Variants in LTN1 observed in about 807,000 individuals in gnomAD.
LTN1 encodes the protein E3 ubiquitin-protein ligase listerin.
A neutral mutation model predicts 201.2 loss-of-function variants in LTN1; 88 were observed. The ratio of observed to expected loss-of-function variants is 0.44; its 90% CI spans 0.37 to 0.52. The LOEUF (loss-of-function observed/expected upper bound fraction) is 0.52, where lower values mean the gene tolerates loss of function less well. Among genes scored for constraint, LTN1 ranks in the 20% least tolerant of loss-of-function variants. The pLI, the probability that LTN1 is intolerant of heterozygous loss-of-function variation, is 0.00. For missense variants in LTN1, 1,752 were observed against 2,038.7 expected (o/e 0.86, Z 2.71); for synonymous variants, 645 against 713.5 (o/e 0.90, Z 1.53).
chr21:28,969,178 G>A (rs1012495988), intron 9 of LTN1, among the ~76,000 whole-genome samples: 4 of 151,706 alleles, frequency 2.6e-5, no homozygotes, highest in East Asian at 2.0e-4. Flanking sequence ...CTGAGATTGC[G>A]TCATTGTACT....
In LTN1 at chr21:28,981,232, T is replaced by C; in HGVS notation, c.697A>G (p.Lys233Glu). The change falls in exon 6 of 30, where the codon AAG becomes GAG. Residue 233 changes from lysine to glutamate, a missense_variant. Around this residue, in one of 3 missense-constraint regions of LTN1, gnomAD observed 280 missense variants for 375.7 expected, o/e 0.75. Coordinates refer to ENST00000361371, the MANE Select transcript of LTN1 (RefSeq NM_015565.3). ...TCAGGTAAAAGGCAAAGTAATCTCT[T>C]TAATGCCAATAAGGAACAAGTTACA... ...RVVTCSLLAL[K>E]RLLCLLPDNE... The C allele has an allele frequency of 6.3e-7, 1 of 1,597,474 alleles. No homozygotes were observed. The highest frequency in any genetic ancestry group is 2.3e-5 in the East Asian group (1 of 44,060).
rs2084700613 is a variant in LTN1 at position 28,986,662 on chromosome 21, C to T, written c.246+69G>A. 8.4e-7 allele frequency: 1 copy of T among 1,195,892 alleles called. No individual in the cohort carries two copies. The highest frequency in any genetic ancestry group is 1.5e-5 in the African/African-American group (1 of 65,644). 74.1% of individuals were successfully genotyped at this position (1,195,892 alleles called of 1,614,324 possible). The stretch of plus-strand genomic sequence containing the variant: ...ATTGTTCATTTTTCTTTACATAAAA[C>T]ATGCTAATGACATTTTATTTTAACA... On this transcript the variant is annotated intron_variant, in intron 2 of 29. Coordinates refer to ENST00000361371, the MANE Select transcript of LTN1 (RefSeq NM_015565.3). The surrounding 1 kb of genome is among the most constrained non-coding windows in gnomAD (Gnocchi z 4.1).
chr21:28,989,573 A>G (rs867119728), intron 1 of LTN1, among the ~76,000 whole-genome samples: 1 of 152,130 alleles, frequency 6.6e-6, no homozygotes, highest in African/African-American at 2.4e-5. Flanking sequence ...AAACCAAGGA[A>G]GACTTACAAG....
In LTN1 at chr21:28,984,742, G is replaced by A; in HGVS notation, c.526C>T (p.Pro176Ser). The A allele has an allele frequency of 3.1e-6, 5 of 1,614,064 alleles. No individual in the cohort carries two copies. The highest frequency in any genetic ancestry group is 4.2e-6 in the Non-Finnish European group (5 of 1,179,990). ...GCTATGGCTTCAGGTTGCTTGCTTG[G>A]AGGAAAAGCCGCTTCAAATGCATCT... ...AKDAFEAAFP[P>S]SKQPEAIAFC... Residue 176 changes from proline (P) to serine (S), a missense_variant, in exon 4 of 30, where the codon CCA becomes TCA. Around this residue, in one of 3 missense-constraint regions of LTN1, gnomAD observed 280 missense variants for 375.7 expected, o/e 0.75. Transcript: ENST00000361371.
chr21:28,979,224 A>G (rs1425502905), intron 6 of LTN1, among the ~76,000 whole-genome samples: 3 of 152,266 alleles, frequency 2.0e-5, no homozygotes, highest in Admixed American at 2.0e-4. Flanking sequence ...TTGAGTCTAG[A>G]GTAATGCAGC....
At chr21:28,960,406 G>A in intron 12 of LTN1, 111 bp downstream of exon 12, 1 of 761,342 alleles carries the variant, frequency 1.3e-6, no homozygotes, top group Non-Finnish European at 2.0e-6. Flanking sequence ...ATTTGAATGA[G>A]TAAGTCCTGT....
chr21:28,981,335 T>C (rs770081806), intron 5 of LTN1, 36 bp from the exon 6 acceptor site: 12 of 1,181,274 alleles, frequency 1.0e-5, no homozygotes, highest in Non-Finnish European at 1.2e-5. Context: ...TTTAAAAATT[T>C]AGAATTAGCC....
chr21:28,981,428 C>T (rs2084657980), intron 5 of LTN1, 129 bp from the exon 6 acceptor site: 3 of 492,358 alleles, frequency 6.1e-6, no homozygotes, highest in African/African-American at 4.0e-5. Flanking sequence ...CTTCTATTTC[C>T]CCTGTGCCAA....
At chr21:28,931,066 GGT>G (rs10608923) in intron 29 of LTN1, 87 bp downstream of exon 29, 43,211 of 548,090 alleles carry the variant, frequency 0.079, 51 homozygotes, top group South Asian at 0.094. Flanking sequence ...ACATTGTGTA[GGT>G]GTGTGTGTGT....
intron 16 of LTN1, 134 bp from the exon 17 acceptor site, chr21:28,953,510 A>G (rs755709917): frequency 1.7e-6 from 1 of 574,444 alleles, no homozygotes; most frequent in East Asian, 3.2e-5. Flanking sequence ...TGATTTTTCA[A>G]ATCTGCTTTG....
rs1245011405 is a variant in LTN1, at chr21:28,981,164, T to A, written c.765A>T (p.Leu255Phe). The A allele has an allele frequency of 7.5e-6, 12 of 1,595,310 alleles. No homozygotes were observed. Among genetic ancestry groups the A allele is most frequent in the Non-Finnish European group, 1.0e-5 (12 of 1,174,824 alleles). The change falls in exon 6 of 30, where the codon TTA (leucine) becomes TTT (phenylalanine). Residue 255 changes from leucine to phenylalanine, a missense_variant. Physicochemically the swap from Leu to Phe is conservative, Grantham distance 22. Transcript: ENST00000361371. Reference sequence around the variant, plus strand: ...CATACTTCCAAAACTTATTCTGTGATAAAAGAGACTTAAATTTCTCCTCCA... The same window carrying A: ...CATACTTCCAAAACTTATTCTGTGAAAAAAGAGACTTAAATTTCTCCTCCA... ...DSLEEKFKSL[L>F]SQNKFWKYGK...
Position 28,946,276 on chromosome 21 carries a change from G to A in LTN1, c.3499C>T (p.His1167Tyr), listed in dbSNP as rs1465740135. 4 of 1,562,440 alleles carry A rather than the reference G, an allele frequency of 2.6e-6. No homozygotes were observed. The highest frequency in any genetic ancestry group is 3.4e-6 in the Non-Finnish European group (4 of 1,161,314). ...DLCSTNGGFG[H>Y]LAIFNSCLQT... ...AGACAAGAATTGAAAATGGCAAGAT[G>A]TCCAAAACCTCCTAAAGTAAAATTC... is the stretch of plus-strand genomic sequence containing the variant. The change falls in exon 20 of 30, where the codon CAT (histidine) becomes TAT (tyrosine). Residue 1167 changes from histidine (H) to tyrosine (Y), a missense_variant. By Grantham distance (83) the His-to-Tyr change is moderately conservative. Coordinates refer to ENST00000361371, the MANE Select transcript of LTN1 (RefSeq NM_015565.3).
In LTN1 at chr21:28,944,410, G is replaced by T. The variant is rs2084320958; in HGVS notation, c.3955C>A (p.Leu1319Ile). Residue 1319 changes from leucine (L) to isoleucine (I), a missense_variant, in exon 22 of 30, where the codon CTT becomes ATT. Around this residue, in one of 3 missense-constraint regions of LTN1, gnomAD observed 1,211 missense variants for 1,312.8 expected, o/e 0.92. Transcript: ENST00000361371. ...EFFSQGIHSLLLPILVTVTGE... is the reference protein window; with the variant it reads ...EFFSQGIHSLILPILVTVTGE... Reference sequence around the variant, plus strand: ...GTAACAGTCACCAAAATAGGTAAAAGCAAACTGTGGATGCCTTGGGAAAAA... The same window carrying T: ...GTAACAGTCACCAAAATAGGTAAAATCAAACTGTGGATGCCTTGGGAAAAA... 3.7e-6 allele frequency: 6 copies of T among 1,613,558 alleles called. No individual in the cohort carries two copies. The highest frequency in any genetic ancestry group is 5.1e-6 in the Non-Finnish European group (6 of 1,179,578).
In LTN1 at chr21:28,982,348, T is replaced by C; in HGVS notation, c.597A>G (p.Ile199Met). Residue 199 changes from isoleucine (I) to methionine (M), a missense_variant, in exon 5 of 30, where the codon ATA becomes ATG. Physicochemically the swap from Ile to Met is conservative, Grantham distance 10. Transcript: ENST00000361371. The stretch of plus-strand genomic sequence containing the variant: ...CACTGAGTGTATCAGGTGTTTCTTT[T>C]ATAAGATGATCCTGCAGCACCTACA... ...EITSVLQDHL[I>M]KETPDTLSDP... 6.2e-7 allele frequency: 1 copy of C among 1,613,906 alleles called. No individual in the cohort carries two copies. The highest frequency in any genetic ancestry group is 8.5e-7 in the Non-Finnish European group (1 of 1,179,772).
Position 28,966,820 on chromosome 21 carries a change from A to T in LTN1, c.1671T>A (p.Ser557=), listed in dbSNP as rs1161164412. The change falls in exon 10 of 30, where the codon TCT becomes TCA. Residue 557 remains serine, a synonymous_variant. Transcript: ENST00000361371. ...ESNKENEKCV[S]SEGEKIEGWE... ...AGCCTTCAATCTTCTCTCCTTCTGA[A>T]GATACACATTTTTCATTCTCTTTAT... The T allele has an allele frequency of 1.2e-6, 2 of 1,612,310 alleles. No homozygotes were observed. Among genetic ancestry groups the T allele is most frequent in the Non-Finnish European group, 1.7e-6 (2 of 1,179,524 alleles).
Position 28,982,872 on chromosome 21 carries a change from CT to C in LTN1, c.577-505del, listed in dbSNP as rs376972520. Among the ~76,000 whole-genome samples, 272 of 152,354 alleles carry C rather than the reference CT, an allele frequency of 1.8e-3. 4 individuals carry two copies. Among genetic ancestry groups the C allele is most frequent in the African/African-American group, 6.0e-3 (248 of 41,588 alleles). On this transcript the variant is annotated intron_variant, in intron 4 of 29. Transcript: ENST00000361371. ...ATAACAATAACTAACACTTATTGAGCTTTTGCATGTGCCAGGTATTGCTTTG... is the reference window on the plus strand; with the variant it reads ...ATAACAATAACTAACACTTATTGAGCTTTGCATGTGCCAGGTATTGCTTTG...
chr21:28,944,877 C>T (rs958335103), intron 21 of LTN1, among the ~76,000 whole-genome samples: 17 of 152,104 alleles, frequency 1.1e-4, no homozygotes, highest in Non-Finnish European at 1.9e-4. Flanking sequence ...ACATTAAATA[C>T]ACATTTATAA....
At chr21:28,989,468 ATTT>A (rs774323305) in intron 1 of LTN1, among the ~76,000 whole-genome samples, 5 of 147,200 alleles carry the variant, frequency 3.4e-5, no homozygotes, top group Admixed American at 1.4e-4. Flanking sequence ...TATGGCACTT[ATTT>A]TTTTTTTTGT....
chr21:28,947,906 T>G (rs1208437054), intron 18 of LTN1, among the ~76,000 whole-genome samples: 1 of 127,094 alleles, frequency 7.9e-6, no homozygotes, highest in Non-Finnish European at 1.8e-5. Flanking sequence ...AAAAAAAGAG[T>G]CAATTGCGGG....
Sources: gnomAD v4.1 joint callset for allele counts (sites outside exome capture counted in the v4.1 genomes callset) on GRCh38, gnomAD v4.1.1 for gene constraint, gnomAD v4.1.1 regional missense constraint, Gnocchi (gnomAD v3.1) non-coding constraint, MANE v1.5 for transcripts, NCBI Gene and HGNC (gene_info 2026-07-23, HGNC 2026-07-21) for gene names.